ZHX2: variants seen among roughly 807,000 people sequenced by gnomAD.
ZHX2 encodes zinc fingers and homeoboxes 2.
In ZHX2, 6 loss-of-function variants were observed where a neutral mutation model predicts 21.9. The observed-to-expected ratio is 0.27, with a 90% CI of 0.15 to 0.54. ZHX2 has a LOEUF of 0.54. Among genes scored for constraint, ZHX2 ranks in the 20% least tolerant of loss-of-function variants. The probability of loss-of-function intolerance (pLI) is 0.95; values close to 1 mark genes in which losing one functional copy is unlikely to be tolerated. For synonymous variants in ZHX2, 434 were observed against 437.1 expected (o/e 0.99, Z 0.09); for missense variants, 908 against 1,090.7 (o/e 0.83, Z 2.36).
chr8:122,832,864 C>G (rs1247637718), intron 1 of ZHX2, among the ~76,000 whole-genome samples: 1 of 152,022 alleles, frequency 6.6e-6, no homozygotes, highest in Non-Finnish European at 1.5e-5. Flanking sequence ...CCCGTTCTGC[C>G]AAGAAGTTTA....
intron 2 of ZHX2, among the ~76,000 whole-genome samples, chr8:122,892,511 C>T (rs1428953162): frequency 6.6e-6 from 1 of 151,912 alleles, no homozygotes; most frequent in Non-Finnish European, 1.5e-5. Flanking sequence ...CTTTCTTCCT[C>T]TCTTATTGTT....
intron 2 of ZHX2, among the ~76,000 whole-genome samples, chr8:122,875,263 T>A (rs963200884): frequency 6.7e-6 from 1 of 149,596 alleles, no homozygotes; most frequent in African/African-American, 2.5e-5. Context: ...CAGCTAACTA[T>A]GCCTGGCTCT....
intron 1 of ZHX2, among the ~76,000 whole-genome samples, chr8:122,788,769 A>C (rs1322983494): frequency 6.6e-6 from 1 of 152,190 alleles, no homozygotes; most frequent in African/African-American, 2.4e-5. Context: ...GGACGGTTTT[A>C]GATCGTGCTT....
chr8:122,794,584 T>C (rs767618943), intron 1 of ZHX2, among the ~76,000 whole-genome samples: 1 of 152,162 alleles, frequency 6.6e-6, no homozygotes, highest in African/African-American at 2.4e-5. Context: ...TTAGATTTTT[T>C]AATGGACTCT....
intron 2 of ZHX2, among the ~76,000 whole-genome samples, chr8:122,895,640 T>C (rs1222682210): frequency 1.3e-5 from 2 of 152,114 alleles, no homozygotes. Flanking sequence ...ACACCCATTA[T>C]ATTCTAGATG....
chr8:122,826,762 C>T (rs970187136), intron 1 of ZHX2, among the ~76,000 whole-genome samples: 1 of 152,140 alleles, frequency 6.6e-6, no homozygotes, highest in African/African-American at 2.4e-5. Flanking sequence ...TCAGATCCAA[C>T]TTCTTCATTT....
chr8:122,960,437 C>A (rs1813413446), intron 3 of ZHX2, among the ~76,000 whole-genome samples: 1 of 152,092 alleles, frequency 6.6e-6, no homozygotes. Flanking sequence ...ACTTGTGGGG[C>A]TGAGGCAGGA....
chr8:122,905,567 C>T (rs532095790), intron 2 of ZHX2, among the ~76,000 whole-genome samples: 1 of 152,242 alleles, frequency 6.6e-6, no homozygotes, highest in South Asian at 2.1e-4. Flanking sequence ...ATTCTTAGAA[C>T]ATCAGGAAGG....
Position 122,937,933 on chromosome 8 carries a change from G to GTTTTTTTTTTTTTTTTT in ZHX2, c.-219-13354_-219-13338dup, listed in dbSNP as rs71310636. Among the ~76,000 whole-genome samples the GTTTTTTTTTTTTTTTTT allele has an allele frequency of 2.9e-4, 21 of 73,354 alleles. 3 individuals are homozygous for GTTTTTTTTTTTTTTTTT. Among genetic ancestry groups the GTTTTTTTTTTTTTTTTT allele is most frequent in the East Asian group, 9.8e-4 (2 of 2,046 alleles). The allele number at this position is 73,354 out of a possible 152,430, so 48.1% of individuals were successfully genotyped here. ...ATTATGTTTCCTGGTTTTCTTTTTG[G>GTTTTTTTTTTTTTTTTT]TTTTTTTTTTTTTTTTTTTTTGAGA... On this transcript the variant is annotated intron_variant, in intron 2 of 3. Transcript: ENST00000314393.
chr8:122,924,244 T>C (rs978890170), intron 2 of ZHX2, among the ~76,000 whole-genome samples: 9 of 152,224 alleles, frequency 5.9e-5, no homozygotes, highest in African/African-American at 2.2e-4. Context: ...TCCAGACCCA[T>C]CTCCTAGCTG....
chr8:122,879,231 A>G (rs966070708), intron 2 of ZHX2, among the ~76,000 whole-genome samples: 23 of 152,088 alleles, frequency 1.5e-4, no homozygotes, highest in Non-Finnish European at 2.4e-4. Flanking sequence ...TTTTTGAGAC[A>G]GAGTCTCGCT....
intron 2 of ZHX2, among the ~76,000 whole-genome samples, chr8:122,887,224 T>C (rs368019436): frequency 1.3e-5 from 2 of 151,800 alleles, no homozygotes; most frequent in African/African-American, 4.8e-5. Context: ...TGAAAAGAAA[T>C]AAACTTCAGC....
chr8:122,879,468 G>A (rs886556998), intron 2 of ZHX2, among the ~76,000 whole-genome samples: 2 of 151,186 alleles, frequency 1.3e-5, no homozygotes, highest in Non-Finnish European at 2.9e-5. Context: ...GCCTCCCAAA[G>A]TGCTGGGATT....
rs377548740 is a variant in ZHX2, at chr8:122,948,216, C to G, written c.-219-3076C>G. Reference sequence around the variant, plus strand: ...TAAGTTCTTCGCTTTGGCCTTTATGCCCTCTCTTCAGTGGGACTCAAACCC... The same window carrying G: ...TAAGTTCTTCGCTTTGGCCTTTATGGCCTCTCTTCAGTGGGACTCAAACCC... On this transcript the variant is annotated intron_variant, in intron 2 of 3. Coordinates refer to ENST00000314393, the MANE Select transcript of ZHX2 (RefSeq NM_014943.5). Among the ~76,000 whole-genome samples the G allele has an allele frequency of 1.3e-3, 202 of 152,236 alleles. 9 individuals carry two copies. The South Asian group carries it at 0.041, about 31-fold the overall frequency.
At chr8:122,972,872 G>T (rs1359446532) in intron 3 of ZHX2, among the ~76,000 whole-genome samples, 1 of 152,146 alleles carries the variant, frequency 6.6e-6, no homozygotes, top group African/African-American at 2.4e-5. Context: ...ATCCAGATTT[G>T]TCTGACTCCA....
At chr8:122,792,035 A>G (rs1246880801) in intron 1 of ZHX2, among the ~76,000 whole-genome samples, 1 of 152,194 alleles carries the variant, frequency 6.6e-6, no homozygotes, top group Non-Finnish European at 1.5e-5. Context: ...TAGTGTATTT[A>G]CAAAATTATG....
rs916206609 is a variant in ZHX2, at chr8:122,813,659, A to AT, written c.-283+31722dup. On this transcript the variant is annotated intron_variant, in intron 1 of 3. Transcript: ENST00000314393. ...GGGACCAGAAGTGTTTCAGATTTTG[A>AT]TTTTTTTTTAATTTTGGGATATTTG... 5.2e-4 allele frequency among the ~76,000 whole-genome samples: 79 copies of AT among 151,698 alleles called. 1 individual carries two copies. The highest frequency in any genetic ancestry group is 1.8e-3 in the African/African-American group (75 of 41,340).
intron 1 of ZHX2, among the ~76,000 whole-genome samples, chr8:122,813,714 T>C (rs1383161075): frequency 2.0e-5 from 3 of 152,226 alleles, no homozygotes; most frequent in African/African-American, 7.2e-5. Context: ...GCATTTCTAA[T>C]GCAAAGATCC....
chr8:122,797,947 A>G (rs952476036), intron 1 of ZHX2, among the ~76,000 whole-genome samples: 6 of 152,168 alleles, frequency 3.9e-5, no homozygotes, highest in African/African-American at 4.8e-5. Flanking sequence ...AACTGCACAG[A>G]TTAATTAATC....
Sources: gnomAD v4.1 joint callset for allele counts (sites outside exome capture counted in the v4.1 genomes callset) on GRCh38, gnomAD v4.1.1 for gene constraint, MANE v1.5 for transcripts, NCBI Gene and HGNC (gene_info 2026-07-23, HGNC 2026-07-21) for gene names.